RPS6KA4: variants seen among roughly 807,000 people sequenced by gnomAD.
RPS6KA4 encodes the protein ribosomal protein S6 kinase A4, also known as ribosomal protein S6 kinase alpha-4.
Under a neutral mutation model 89.6 loss-of-function variants are expected in RPS6KA4, and 38 were observed. The ratio of observed to expected loss-of-function variants is 0.42; its 90% CI spans 0.33 to 0.56. The LOEUF is 0.56. Among genes scored for constraint, RPS6KA4 ranks in the 20% least tolerant of loss-of-function variants. RPS6KA4 has a pLI of 0.07. For missense variants in RPS6KA4, 873 were observed against 1,098.8 expected (o/e 0.79, Z 2.90); for synonymous variants, 495 against 492.8 (o/e 1.00, Z -0.06).
At position 64,363,650 on chromosome 11, in the gene RPS6KA4, G is replaced by C. The variant is rs115154221; in HGVS notation, c.906+1648G>C. Among the ~76,000 whole-genome samples the C allele has an allele frequency of 6.7e-3, 1,018 of 151,908 alleles. 14 individuals are homozygous for C. The highest frequency in any genetic ancestry group is 0.024 in the African/African-American group (980 of 41,416). On this transcript the variant is annotated intron_variant, in intron 8 of 16. Coordinates refer to ENST00000334205, the MANE Select transcript of RPS6KA4 (RefSeq NM_003942.3). Reference sequence around the variant, plus strand: ...GGGATTACAGGTGCGCACCATCATGGCCAGCTTATTTTTGTATTTTTAGTA... The same window carrying C: ...GGGATTACAGGTGCGCACCATCATGCCCAGCTTATTTTTGTATTTTTAGTA...
In RPS6KA4 at chr11:64,359,466, A is replaced by G; in HGVS notation, c.127+17A>G. ...GCACGGGAGGTGAGGACCCCCATCC[A>G]CCGGGCAGGCGTCCCAGGCGCGGTG... On this transcript the variant is annotated intron_variant, in intron 2 of 16. Transcript: ENST00000334205. 1.2e-6 allele frequency: 2 copies of G among 1,612,530 alleles called. No individual in the cohort carries two copies. The highest frequency in any genetic ancestry group is 1.7e-6 in the Non-Finnish European group (2 of 1,179,440).
chr11:64,361,780 G>C lies in RPS6KA4; in HGVS notation c.755+35G>C. 1 of 1,587,974 alleles carries C rather than the reference G, an allele frequency of 6.3e-7. No homozygotes were observed. The highest frequency in any genetic ancestry group is 8.6e-7 in the Non-Finnish European group (1 of 1,169,572). ...GCTGGACGTGGAGGGCGGCCAGAGG[G>C]CTGCAGGGCCTGCCTGGGCAGGGCT... On this transcript the variant is annotated intron_variant, in intron 7 of 16. Coordinates refer to ENST00000334205, the MANE Select transcript of RPS6KA4 (RefSeq NM_003942.3). The surrounding 1 kb of genome is among the most constrained non-coding windows in gnomAD (Gnocchi z 4.7).
At position 64,361,843 on chromosome 11, in the gene RPS6KA4, TC is replaced by T. The variant is rs1177502810; in HGVS notation, c.756-7del. 1 of 1,597,400 alleles carries T rather than the reference TC, an allele frequency of 6.3e-7. No individual in the cohort carries two copies. The highest frequency in any genetic ancestry group is 1.4e-5 in the African/African-American group (1 of 73,728). On this transcript the variant is annotated splice_region_variant and splice_polypyrimidine_tract_variant and intron_variant, in intron 7 of 16. Coordinates refer to ENST00000334205, the MANE Select transcript of RPS6KA4 (RefSeq NM_003942.3). This position sits in a 1 kb window ranked among gnomAD's most constrained non-coding sequence, Gnocchi z 4.7. ...CTTGCTGCCCCTGACACCCCCCCAA[TC>T]CTCCCAGACGGATCCTGAAGTGCTC...
chr11:64,368,878 G>A, intron 12 of RPS6KA4, 81 bp downstream of exon 12: 1 of 1,314,966 alleles, frequency 7.6e-7, no homozygotes, highest in Non-Finnish European at 1.1e-6. Context: ...GGGATCTAGG[G>A]GTGAATTGGG....
chr11:64,367,004 G>A (rs1463516228), intron 9 of RPS6KA4, among the ~76,000 whole-genome samples: 2 of 152,112 alleles, frequency 1.3e-5, no homozygotes, highest in Admixed American at 6.6e-5. Context: ...TCTTTCTCTT[G>A]AATTGGTAGG....
rs139934419 is a variant in RPS6KA4 at position 64,365,971 on chromosome 11, G to A, written c.1071+506G>A. Among the ~76,000 whole-genome samples, 1,049 of 152,042 alleles carry A rather than the reference G, an allele frequency of 6.9e-3. 13 individuals are homozygous for A. Among genetic ancestry groups the A allele is most frequent in the African/African-American group, 0.024 (1,010 of 41,428 alleles). The stretch of plus-strand genomic sequence containing the variant: ...AGAGAATCCCTTGAACCTGGGAGGC[G>A]GAGGTTGCGGTGAGCAGAGATCACA... On this transcript the variant is annotated intron_variant, in intron 9 of 16. Transcript: ENST00000334205.
chr11:64,363,828 A>C (rs2036814148), intron 8 of RPS6KA4, among the ~76,000 whole-genome samples: 1 of 152,074 alleles, frequency 6.6e-6, no homozygotes, highest in Admixed American at 6.6e-5. Context: ...CTTTGGTGAG[A>C]GCAGTGCTCA....
rs926197894 is a variant in RPS6KA4 at position 64,361,779 on chromosome 11, G to A, written c.755+34G>A. 14 of 1,588,140 alleles carry A rather than the reference G, an allele frequency of 8.8e-6. No homozygotes were observed. The highest frequency in any genetic ancestry group is 1.1e-5 in the Non-Finnish European group (13 of 1,169,736). On this transcript the variant is annotated intron_variant, in intron 7 of 16. Coordinates refer to ENST00000334205, the MANE Select transcript of RPS6KA4 (RefSeq NM_003942.3). The surrounding 1 kb of genome is among the most constrained non-coding windows in gnomAD (Gnocchi z 4.7). Reference sequence around the variant, plus strand: ...GGCTGGACGTGGAGGGCGGCCAGAGGGCTGCAGGGCCTGCCTGGGCAGGGC... The same window carrying A: ...GGCTGGACGTGGAGGGCGGCCAGAGAGCTGCAGGGCCTGCCTGGGCAGGGC...
chr11:64,370,281 G>C lies in RPS6KA4; in HGVS notation c.1854G>C (p.Gln618His). ...PFQGASGQGG[Q>H]SQAAEIMCKI... ...AGGGGGCCTCTGGCCAGGGCGGGCA[G>C]AGCCAGGCGGCCGAGATCATGTGCA... The change falls in exon 15 of 17, where the codon CAG (glutamine) becomes CAC (histidine). Residue 618 changes from glutamine to histidine, a missense_variant. Gln to His is a conservative substitution (Grantham distance 24). This residue lies in a region of RPS6KA4 where 278 missense variants were observed against 284.8 expected (regional missense o/e 0.98). Transcript: ENST00000334205. This position sits in a 1 kb window ranked among gnomAD's most constrained non-coding sequence, Gnocchi z 4.1. The C allele has an allele frequency of 6.3e-7, 1 of 1,590,460 alleles. No individual in the cohort carries two copies. Among genetic ancestry groups the C allele is most frequent in the Non-Finnish European group, 8.5e-7 (1 of 1,173,524 alleles).
chr11:64,369,160 G>C (rs1051058790), intron 12 of RPS6KA4, among the ~76,000 whole-genome samples: 9 of 152,116 alleles, frequency 5.9e-5, no homozygotes, highest in Non-Finnish European at 1.0e-4. Context: ...ACGCGGTGGC[G>C]TGCGCCTGTA....
At position 64,368,757 on chromosome 11, in the gene RPS6KA4, A is replaced by AC; in HGVS notation, c.1392dup (p.Asn465GlnfsTer172). ...GCTGCCCTGCGCCTGTGCCAGTCAC[A>AC]CCCCAACGTGGTGAATCTGCACGAG... On this transcript the variant is annotated frameshift_variant, in exon 12 of 17. Coordinates refer to ENST00000334205, the MANE Select transcript of RPS6KA4 (RefSeq NM_003942.3). LOFTEE classifies it high-confidence loss of function. 6.4e-7 allele frequency: 1 copy of AC among 1,572,074 alleles called. No individual in the cohort carries two copies. Among genetic ancestry groups the AC allele is most frequent in the Non-Finnish European group, 8.6e-7 (1 of 1,159,632 alleles).
In RPS6KA4 at chr11:64,369,575, A is replaced by T. The variant is rs190425139; in HGVS notation, c.1558A>T (p.Met520Leu). The change falls in exon 13 of 17, where the codon ATG (methionine) becomes TTG (leucine). Residue 520 changes from methionine to leucine, a missense_variant. By Grantham distance (15) the Met-to-Leu change is conservative. This residue lies in a region of RPS6KA4 where 542 missense variants were observed against 736.4 expected (regional missense o/e 0.74). Coordinates refer to ENST00000334205, the MANE Select transcript of RPS6KA4 (RefSeq NM_003942.3). ...LRSLVSAVSF[M>L]HEEAGVVHRD... is the part of the protein sequence containing the mutation. Reference sequence around the variant, plus strand: ...CAGCCTCGTGTCGGCCGTGAGCTTCATGCACGAGGAGGCGGGCGTGGTGCA... The same window carrying T: ...CAGCCTCGTGTCGGCCGTGAGCTTCTTGCACGAGGAGGCGGGCGTGGTGCA... The T allele has an allele frequency of 2.1e-5, 33 of 1,606,704 alleles. 1 individual carries two copies. Among genetic ancestry groups the T allele is most frequent in the Middle Eastern group, 3.3e-4 (2 of 6,046 alleles).
intron 10 of RPS6KA4, 58 bp from the exon 11 acceptor site, chr11:64,368,410 C>CT: frequency 6.5e-7 from 1 of 1,541,632 alleles, no homozygotes. Context: ...GGCCGCGGGG[C>CT]TACCAGGTGG....
chr11:64,359,669 T>TC (rs2036688141), intron 2 of RPS6KA4: 1 of 581,092 alleles, frequency 1.7e-6, no homozygotes, highest in South Asian at 2.0e-5. Context: ...TGTGCGTGCA[T>TC]ACCCCCCTGG....
At chr11:64,367,926 T>C (rs1049396905) in intron 9 of RPS6KA4, among the ~76,000 whole-genome samples, 3 of 152,126 alleles carry the variant, frequency 2.0e-5, no homozygotes, top group African/African-American at 4.8e-5. Context: ...CACAGGCTGG[T>C]GGGGACAGAC....
At chr11:64,371,248 G>A (rs1173907953) in intron 16 of RPS6KA4, 35 bp from the exon 17 acceptor site, 2 of 1,597,372 alleles carry the variant, frequency 1.3e-6, no homozygotes, top group Non-Finnish European at 1.7e-6. Context: ...GGGGTCAGGC[G>A]GGGGTGGGGG....
intron 12 of RPS6KA4, 29 bp from the exon 13 acceptor site, chr11:64,369,417 T>C (rs1457332023): frequency 6.4e-7 from 1 of 1,555,590 alleles, no homozygotes; most frequent in African/African-American, 1.4e-5. Flanking sequence ...TGGGTGGGTG[T>C]TGACCTTGGC....
At chr11:64,365,493 GC>G in intron 9 of RPS6KA4, 28 bp downstream of exon 9, 1 of 1,612,502 alleles carries the variant, frequency 6.2e-7, no homozygotes, top group South Asian at 1.1e-5. Context: ...GAACCCAGAT[GC>G]AGGAGAGATG....
intron 8 of RPS6KA4, 58 bp downstream of exon 8, chr11:64,362,060 C>A (rs190779186): frequency 6.4e-7 from 1 of 1,551,534 alleles, no homozygotes; most frequent in Non-Finnish European, 8.7e-7. Context: ...GGCTGCTGTT[C>A]CAGGTTGAGG....
Sources: allele counts gnomAD v4.1 joint callset (sites outside exome capture counted in the v4.1 genomes callset), GRCh38; gene constraint gnomAD v4.1.1; regional missense constraint gnomAD v4.1.1; non-coding constraint Gnocchi (gnomAD v3.1); transcripts MANE v1.5; gene names NCBI Gene and HGNC (gene_info 2026-07-23, HGNC 2026-07-21).